SLC45A3: variants seen among roughly 807,000 people sequenced by gnomAD.
SLC45A3 encodes prostate cancer associated protein 2.
In SLC45A3, 17 loss-of-function variants were observed where a neutral mutation model predicts 35.3. The observed-to-expected ratio is 0.48, with a 90% CI of 0.33 to 0.72. SLC45A3 has a LOEUF of 0.72. Among genes scored for constraint, SLC45A3 ranks in the 30% least tolerant of loss-of-function variants. SLC45A3 has a pLI of 0.02. For synonymous variants in SLC45A3, 288 were observed against 334.3 expected (o/e 0.86, Z 1.51); for missense variants, 597 against 731.7 (o/e 0.82, Z 2.12).
At position 205,664,855 on chromosome 1, in the gene SLC45A3, C is replaced by A; in HGVS notation, c.-199G>T. The A allele has an allele frequency of 7.0e-7, 1 of 1,418,796 alleles. No individual in the cohort carries two copies. The allele number at this position is 1,418,796 out of a possible 1,614,324, so 87.9% of individuals were successfully genotyped here. On this transcript the variant is annotated 5_prime_UTR_variant, in exon 2 of 5. Transcript: ENST00000367145. This position sits in a 1 kb window ranked among gnomAD's most constrained non-coding sequence, Gnocchi z 5.3. ...GCTCAACACCTGCTGCTGTGGGGCA[C>A]CTCAGTGGGGACACGTCTCATCACT...
chr1:205,668,237 T>C (rs1192734261), intron 1 of SLC45A3, among the ~76,000 whole-genome samples: 5 of 152,102 alleles, frequency 3.3e-5, no homozygotes, highest in Non-Finnish European at 7.4e-5. Context: ...GTCCCTGTCA[T>C]TTCATCCCTC....
rs548999847 is a variant in SLC45A3, at chr1:205,663,113, G to A, written c.678C>T (p.Thr226=). 39 of 1,580,850 alleles carry A rather than the reference G, an allele frequency of 2.5e-5. No homozygotes were observed. The East Asian group carries it at 9.1e-4, about 37-fold the overall frequency. ...LVAEEAALGP[T]EPAEGLSAPS... ...GGGCCGACAGCCCTTCTGCTGGCTC[G>A]GTGGGGCCCAGCGCTGCCTCCTCAG... Residue 226 remains threonine (T), a synonymous_variant, in exon 3 of 5, where the codon ACC becomes ACT. Coordinates refer to ENST00000367145, the MANE Select transcript of SLC45A3 (RefSeq NM_033102.3).
At position 205,663,161 on chromosome 1, in the gene SLC45A3, G is replaced by A. The variant is rs146343935; in HGVS notation, c.630C>T (p.Cys210=). Residue 210 remains cysteine (C), a synonymous_variant, in exon 3 of 5, where the codon TGC becomes TGT. Coordinates refer to ENST00000367145, the MANE Select transcript of SLC45A3 (RefSeq NM_033102.3). ...FGLLTLIFLT[C]VAATLLVAEE... is the part of the protein sequence containing the mutation. The stretch of plus-strand genomic sequence containing the variant: ...CAGCCACCAGCAGTGTGGCTGCTAC[G>A]CAGGTGAGGAAGATGAGGGTGAGCA... 68 of 1,612,732 alleles carry A rather than the reference G, an allele frequency of 4.2e-5. No individual in the cohort carries two copies. Among genetic ancestry groups the A allele is most frequent in the African/African-American group, 2.3e-4 (17 of 75,070 alleles).
Position 205,664,462 on chromosome 1 carries a change from G to T in SLC45A3, c.172+23C>A. On this transcript the variant is annotated intron_variant, in intron 2 of 4. Transcript: ENST00000367145. This position sits in a 1 kb window ranked among gnomAD's most constrained non-coding sequence, Gnocchi z 5.3. ...AGGTGGCATGTATCTGGAACAGGAA[G>T]GAAGGAGGATGTAGTGACTCACCCA... 4 of 1,612,470 alleles carry T rather than the reference G, an allele frequency of 2.5e-6. No individual in the cohort carries two copies. Among genetic ancestry groups the T allele is most frequent in the Non-Finnish European group, 3.4e-6 (4 of 1,178,812 alleles).
At chr1:205,667,515 T>C (rs1671139340) in intron 1 of SLC45A3, among the ~76,000 whole-genome samples, 1 of 151,316 alleles carries the variant, frequency 6.6e-6, no homozygotes, top group South Asian at 2.1e-4. Context: ...CAAATAAAAA[T>C]AAATACATAA....
At chr1:205,670,810 G>A (rs1239524243) in intron 1 of SLC45A3, among the ~76,000 whole-genome samples, 1 of 152,106 alleles carries the variant, frequency 6.6e-6, no homozygotes, top group African/African-American at 2.4e-5. Flanking sequence ...GCTGCTGCTG[G>A]CCCCCACCCC....
intron 1 of SLC45A3, among the ~76,000 whole-genome samples, chr1:205,667,186 T>C (rs1190019097): frequency 1.3e-5 from 2 of 151,466 alleles, no homozygotes; most frequent in African/African-American, 2.4e-5. Context: ...CTGGGCAACA[T>C]AGAAAGACCC....
In SLC45A3 at chr1:205,674,620, A is replaced by G. The variant is rs79658877; in HGVS notation, c.-231+5774T>C. Among the ~76,000 whole-genome samples the G allele has an allele frequency of 2.0e-5, 3 of 150,162 alleles. 1 individual carries two copies. In the East Asian group the frequency reaches 5.8e-4, roughly 29 times the overall value. On this transcript the variant is annotated intron_variant, in intron 1 of 4. Coordinates refer to ENST00000367145, the MANE Select transcript of SLC45A3 (RefSeq NM_033102.3). ...GCTGTTTCAAAAAAAAAAAAAAAAAAAAAAAAAAGAGAAAAGCATACAAAT... is the reference window on the plus strand; with the variant it reads ...GCTGTTTCAAAAAAAAAAAAAAAAAGAAAAAAAAGAGAAAAGCATACAAAT...
intron 1 of SLC45A3, among the ~76,000 whole-genome samples, chr1:205,667,614 C>T (rs959137177): frequency 1.3e-5 from 2 of 152,144 alleles, no homozygotes; most frequent in Non-Finnish European, 2.9e-5. Context: ...GGGAGGATCT[C>T]CTGAGTCCAG....
intron 4 of SLC45A3, among the ~76,000 whole-genome samples, chr1:205,660,426 C>A (rs1265217967): frequency 6.6e-6 from 1 of 152,186 alleles, no homozygotes; most frequent in East Asian, 1.9e-4. Context: ...AGGACAAGGC[C>A]AGGTCTTATC....
rs1446825865 is a variant in SLC45A3 at position 205,659,776 on chromosome 1, G to A, written c.1225-105C>T. The A allele has an allele frequency of 3.8e-6, 4 of 1,058,634 alleles. No homozygotes were observed. The highest frequency in any genetic ancestry group is 5.3e-6 in the Non-Finnish European group (4 of 759,546). 65.6% of individuals were successfully genotyped at this position (1,058,634 alleles called of 1,614,324 possible). A position where few individuals can be genotyped will look rare whatever the true frequency, so the allele number is the denominator to read the frequency against. ...CCCTTGCCTCCATCCCAGGGGCAATGGGACTTCATGAGAATCAGGAGCAGG... is the reference window on the plus strand; with the variant it reads ...CCCTTGCCTCCATCCCAGGGGCAATAGGACTTCATGAGAATCAGGAGCAGG... On this transcript the variant is annotated intron_variant, in intron 4 of 4. Transcript: ENST00000367145. This position sits in a 1 kb window ranked among gnomAD's most constrained non-coding sequence, Gnocchi z 5.8.
At chr1:205,660,885 GCC>G (rs1320492487) in intron 4 of SLC45A3, among the ~76,000 whole-genome samples, 1 of 152,158 alleles carries the variant, frequency 6.6e-6, no homozygotes, top group African/African-American at 2.4e-5. Context: ...CAAAACCTTA[GCC>G]CCTCCCCTCC....
chr1:205,677,901 T>C (rs910779011), intron 1 of SLC45A3, among the ~76,000 whole-genome samples: 2 of 152,152 alleles, frequency 1.3e-5, no homozygotes, highest in African/African-American at 4.8e-5. Flanking sequence ...TATAATCTAC[T>C]TAACAAAGCT....
intron 1 of SLC45A3, among the ~76,000 whole-genome samples, chr1:205,671,959 T>G (rs1342017928): frequency 1.3e-5 from 2 of 152,212 alleles, no homozygotes; most frequent in African/African-American, 4.8e-5. Flanking sequence ...CTAGGCACTC[T>G]GCCGTGCGTC....
chr1:205,660,340 C>G (rs888075119), intron 4 of SLC45A3, among the ~76,000 whole-genome samples: 2 of 152,186 alleles, frequency 1.3e-5, no homozygotes, highest in Non-Finnish European at 2.9e-5. Flanking sequence ...TTCCTGCTGT[C>G]TGACTTAGAT....
rs887963951 is a variant in SLC45A3 at position 205,676,052 on chromosome 1, T to C, written c.-231+4342A>G. 3.9e-5 allele frequency among the ~76,000 whole-genome samples: 6 copies of C among 152,108 alleles called. No individual in the cohort carries two copies. The South Asian group carries it at 6.2e-4, about 16-fold the overall frequency. On this transcript the variant is annotated intron_variant, in intron 1 of 4. Transcript: ENST00000367145. Reference sequence around the variant, plus strand: ...GGGTAAGGCTGAATCAGGATTCCCATTGGATGTGACTTTACCAGTGTGCCT... The same window carrying C: ...GGGTAAGGCTGAATCAGGATTCCCACTGGATGTGACTTTACCAGTGTGCCT...
Position 205,659,561 on chromosome 1 carries a change from G to A in SLC45A3, c.1335C>T (p.His445=), listed in dbSNP as rs769418885. 31 of 1,600,688 alleles carry A rather than the reference G, an allele frequency of 1.9e-5. No individual in the cohort carries two copies. The highest frequency in any genetic ancestry group is 1.7e-4 in the Middle Eastern group (1 of 6,006). The change falls in exon 5 of 5, where the codon CAC becomes CAT. Residue 445 remains histidine (H), a synonymous_variant. Transcript: ENST00000367145. This position sits in a 1 kb window ranked among gnomAD's most constrained non-coding sequence, Gnocchi z 5.8. ...GCAGGCCACTGCCTCCAGCACCCAC[G>A]TGTCCATTAGGGAAGGGAGCTCCAG... is the stretch of plus-strand genomic sequence containing the variant. ...PKPGAPFPNG[H]VGAGGSGLLP...
Position 205,663,613 on chromosome 1 carries a change from C to T in SLC45A3, c.178G>A (p.Gly60Ser). ...ACACAGACCAGGCCCAGCACTGGAC[C>T]AATGCCTGCAAGAAGGGAAGTAGTA... is the stretch of plus-strand genomic sequence containing the variant. Reference protein sequence around the residue: ...EKFMTMVLGIGPVLGLVCVPL... With the variant: ...EKFMTMVLGISPVLGLVCVPL... Residue 60 changes from glycine (G) to serine (S), a missense_variant, in exon 3 of 5, where the codon GGT (glycine) becomes AGT (serine). Physicochemically the swap from Gly to Ser is moderately conservative, Grantham distance 56. Coordinates refer to ENST00000367145, the MANE Select transcript of SLC45A3 (RefSeq NM_033102.3). 1 of 1,568,362 alleles carries T rather than the reference C, an allele frequency of 6.4e-7. No homozygotes were observed.
At chr1:205,663,753 T>A in intron 2 of SLC45A3, 135 bp from the exon 3 acceptor site, 1 of 918,048 alleles carries the variant, frequency 1.1e-6, no homozygotes, top group Non-Finnish European at 1.6e-6. Context: ...AGGGATGCTG[T>A]AATTTACTCC....
Sources: allele counts gnomAD v4.1 joint callset (sites outside exome capture counted in the v4.1 genomes callset), GRCh38; gene constraint gnomAD v4.1.1; non-coding constraint Gnocchi (gnomAD v3.1); transcripts MANE v1.5; gene names NCBI Gene and HGNC (gene_info 2026-07-23, HGNC 2026-07-21).